Variants in ANKS1B observed in about 807,000 individuals in gnomAD.
The protein encoded by ANKS1B is ankyrin repeat and sterile alpha motif domain containing 1B.
A neutral mutation model predicts 148.3 loss-of-function variants in ANKS1B; 36 were observed. The observed-to-expected ratio is 0.24, with a 90% CI of 0.19 to 0.32. ANKS1B has a LOEUF of 0.32. Ranked by LOEUF, ANKS1B falls within the 10% of genes least tolerant of loss-of-function variation. ANKS1B has a pLI of 1.00. For missense variants in ANKS1B, 1,157 were observed against 1,542.6 expected, an observed-to-expected ratio of 0.75 and a Z score of 4.19; for synonymous variants, 542 against 560.8, an observed-to-expected ratio of 0.97 and a Z score of 0.47.
At chr12:99,579,464 T>C (rs1344070301) in intron 9 of ANKS1B, among the ~76,000 whole-genome samples, 1 of 152,100 alleles carries the variant, frequency 6.6e-6, no homozygotes, top group Non-Finnish European at 1.5e-5. Flanking sequence ...ATCAAAGGCC[T>C]AATAGCTAGA....
At chr12:99,394,332 C>G (rs1011880124) in intron 12 of ANKS1B, among the ~76,000 whole-genome samples, 1 of 152,162 alleles carries the variant, frequency 6.6e-6, no homozygotes, top group African/African-American at 2.4e-5. Context: ...AAACCAGTCT[C>G]TCCACTTGGT....
intron 12 of ANKS1B, among the ~76,000 whole-genome samples, chr12:99,309,894 T>C (rs2082904912): frequency 1.3e-5 from 2 of 152,156 alleles, no homozygotes; most frequent in South Asian, 2.1e-4. Context: ...TTAAAGCTCA[T>C]TTTCTCTTTA....
intron 17 of ANKS1B, chr12:98,895,035 G>T: frequency 1.1e-6 from 1 of 891,908 alleles, no homozygotes; most frequent in Non-Finnish European, 1.3e-6. Context: ...GCCGTCTCCA[G>T]GGCTGCTGGC....
intron 9 of ANKS1B, among the ~76,000 whole-genome samples, chr12:99,510,280 T>A (rs1259199341): frequency 6.6e-6 from 1 of 151,968 alleles, no homozygotes; most frequent in Admixed American, 6.6e-5. Flanking sequence ...ATACATTATA[T>A]AAGGCTATAG....
chr12:99,246,923 T>C (rs1487905608), intron 12 of ANKS1B, 59 bp from the exon 13 acceptor site: 4 of 1,282,544 alleles, frequency 3.1e-6, no homozygotes, highest in South Asian at 2.8e-5. Flanking sequence ...CACGATATAA[T>C]AGCAGTGCCC....
chr12:99,310,130 C>T (rs371611940), intron 12 of ANKS1B, among the ~76,000 whole-genome samples: 6 of 152,048 alleles, frequency 3.9e-5, no homozygotes, highest in East Asian at 3.9e-4. Flanking sequence ...TCAAAATATT[C>T]GGATAAGCAT....
At chr12:99,469,290 T>G (rs974957751) in intron 10 of ANKS1B, among the ~76,000 whole-genome samples, 1 of 72,424 alleles carries the variant, frequency 1.4e-5, no homozygotes, top group Non-Finnish European at 2.5e-5. Context: ...GGGACTGTTG[T>G]GGGGTGGGGG....
chr12:99,554,967 G>A (rs1181933153), intron 9 of ANKS1B, among the ~76,000 whole-genome samples: 1 of 152,056 alleles, frequency 6.6e-6, no homozygotes, highest in Non-Finnish European at 1.5e-5. Context: ...TTCTGTTCCT[G>A]TGTTAGTTTG....
At position 99,471,552 on chromosome 12, in the gene ANKS1B, G is replaced by T. The variant is rs372944031; in HGVS notation, c.1439-27743C>A. On this transcript the variant is annotated intron_variant, in intron 10 of 26. Transcript: ENST00000683438. ...AGAGCTATGATGAGGAACATCCCCA[G>T]TTCACACACCACTTGGCAACTCTGA... 2.4e-3 allele frequency among the ~76,000 whole-genome samples: 370 copies of T among 152,012 alleles called. 1 individual carries two copies. The highest frequency in any genetic ancestry group is 8.7e-3 in the African/African-American group (361 of 41,504).
chr12:99,626,075 A>AT (rs2098110305), intron 9 of ANKS1B, among the ~76,000 whole-genome samples: 1 of 152,146 alleles, frequency 6.6e-6, no homozygotes, highest in Admixed American at 6.6e-5. Context: ...TGAGACTGCT[A>AT]TATTGACTAT....
At chr12:99,401,844 G>C (rs1278235329) in intron 11 of ANKS1B, among the ~76,000 whole-genome samples, 1 of 146,556 alleles carries the variant, frequency 6.8e-6, no homozygotes, top group African/African-American at 2.6e-5. Flanking sequence ...CTAAGGCAAG[G>C]GTCAGCAAAC....
At chr12:99,271,311 A>G (rs1318737108) in intron 12 of ANKS1B, among the ~76,000 whole-genome samples, 1 of 152,172 alleles carries the variant, frequency 6.6e-6, no homozygotes, top group Non-Finnish European at 1.5e-5. Context: ...AACTTCATGA[A>G]GCCTTTGTTG....
intron 12 of ANKS1B, among the ~76,000 whole-genome samples, chr12:99,268,750 A>G (rs1028196537): frequency 2.0e-5 from 3 of 152,352 alleles, no homozygotes; most frequent in Middle Eastern, 3.4e-3. Context: ...TATAGCTGAC[A>G]CAAGTAGTAG....
chr12:99,977,395 C>T (rs956764591), intron 1 of ANKS1B, among the ~76,000 whole-genome samples: 1 of 152,116 alleles, frequency 6.6e-6, no homozygotes, highest in Non-Finnish European at 1.5e-5. Flanking sequence ...AGTGATACTC[C>T]CGTCTCAGCC....
intron 20 of ANKS1B, among the ~76,000 whole-genome samples, chr12:98,805,244 G>A (rs575153420): frequency 6.6e-6 from 1 of 151,364 alleles, no homozygotes; most frequent in Non-Finnish European, 1.5e-5. Flanking sequence ...CAAGAATTTT[G>A]TCATGGCTTA....
chr12:99,218,021 G>A (rs1430085476), intron 14 of ANKS1B, among the ~76,000 whole-genome samples: 3 of 152,054 alleles, frequency 2.0e-5, no homozygotes, highest in Non-Finnish European at 4.4e-5. Flanking sequence ...TCATGAAAAA[G>A]AAGACATTCT....
chr12:98,953,280 C>T (rs1026836055), intron 17 of ANKS1B, among the ~76,000 whole-genome samples: 3 of 152,104 alleles, frequency 2.0e-5, no homozygotes, highest in Non-Finnish European at 4.4e-5. Context: ...CTTGGCCTCC[C>T]AAAGTGCTGG....
chr12:98,892,609 A>T (rs1320874496), intron 17 of ANKS1B, among the ~76,000 whole-genome samples: 1 of 152,244 alleles, frequency 6.6e-6, no homozygotes, highest in South Asian at 2.1e-4. Flanking sequence ...CTAAACTTGC[A>T]AACTTTTATG....
rs187619392 is a variant in ANKS1B, at chr12:99,051,028, G to A, written c.2778+2129C>T. ...GACTAATTTTCTGTCTCAAGTCAAG[G>A]CTGATTGGCCTCATGGGTGGTGGTG... On this transcript the variant is annotated intron_variant, in intron 17 of 26. Transcript: ENST00000683438. Among the ~76,000 whole-genome samples, 5 of 152,156 alleles carry A rather than the reference G, an allele frequency of 3.3e-5. No homozygotes were observed. The East Asian group carries it at 9.7e-4, about 30-fold the overall frequency.
Sources: allele counts gnomAD v4.1 joint callset (sites outside exome capture counted in the v4.1 genomes callset), GRCh38; gene constraint gnomAD v4.1.1; transcripts MANE v1.5; gene names NCBI Gene and HGNC (gene_info 2026-07-23, HGNC 2026-07-21).